PCDHB4: variants seen among roughly 807,000 people sequenced by gnomAD.
PCDHB4 encodes the protein protocadherin beta 4.
For synonymous variants in PCDHB4, 482 were observed against 447.3 expected (o/e 1.08, Z -0.98); for missense variants, 1,063 against 1,007.0 (o/e 1.06, Z -0.75).
rs187012009 is a variant in PCDHB4, at chr5:141,124,393, T to C, written c.*7T>C. The stretch of plus-strand genomic sequence containing the variant: ...TAGCTTGGTATTCAGTTAAGTATTG[T>C]ATTTAGTTCAGTGAACCGCCCGTTA... On this transcript the variant is annotated 3_prime_UTR_variant, in exon 1 of 1. Coordinates refer to ENST00000194152, the MANE Select transcript of PCDHB4 (RefSeq NM_018938.4). The C allele has an allele frequency of 1.5e-5, 23 of 1,567,010 alleles. No individual in the cohort carries two copies. The East Asian group carries it at 5.0e-4, about 34-fold the overall frequency.
rs1554274624 is a variant in PCDHB4 at position 141,123,782 on chromosome 5, C to T, written c.1784C>T (p.Ser595Leu). Reference sequence around the variant, plus strand: ...AAGGTGGTGGCGGTGGACGGCGACTCGGGCCAGAACGCCTGGCTGTCGTAC... The same window carrying T: ...AAGGTGGTGGCGGTGGACGGCGACTTGGGCCAGAACGCCTGGCTGTCGTAC... The part of the protein sequence containing the change: ...VTKVVAVDGD[S>L]GQNAWLSYQL... The change falls in exon 1 of 1, where the codon TCG (serine) becomes TTG (leucine). Residue 595 changes from serine to leucine, a missense_variant. Ser to Leu is a moderately radical substitution (Grantham distance 145, BLOSUM62 -2). Coordinates refer to ENST00000194152, the MANE Select transcript of PCDHB4 (RefSeq NM_018938.4). 2.5e-6 allele frequency: 4 copies of T among 1,609,950 alleles called. No individual in the cohort carries two copies. Among genetic ancestry groups the T allele is most frequent in the African/African-American group, 1.3e-5 (1 of 74,874 alleles).
chr5:141,124,271 CTG>C lies in PCDHB4; in HGVS notation c.2274_2275del (p.Gly759AspfsTer3), dbSNP rs1339376090. The stretch of plus-strand genomic sequence containing the variant: ...TACGAGGTGTGTCTGACAGGAGACT[CTG>C]GGACTGGTGAGTTCAAGTTCCTGAA... On this transcript the variant is annotated frameshift_variant, in exon 1 of 1. Coordinates refer to ENST00000194152, the MANE Select transcript of PCDHB4 (RefSeq NM_018938.4). LOFTEE classifies it low-confidence loss of function (END_TRUNC). 2.5e-6 allele frequency: 4 copies of C among 1,614,072 alleles called. No individual in the cohort carries two copies. The African/African-American group carries it at 4.0e-5, about 16-fold the overall frequency.
At position 141,122,774 on chromosome 5, in the gene PCDHB4, C is replaced by T. The variant is rs1399761193; in HGVS notation, c.776C>T (p.Pro259Leu). The change falls in exon 1 of 1, where the codon CCA becomes CTA. Residue 259 changes from proline to leucine, a missense_variant. Transcript: ENST00000194152. The stretch of plus-strand genomic sequence containing the variant: ...CTGGAAAACAGCCCCCTAGACTCTC[C>T]AATTGTTAGGGTCTTAGCTAGAGAT... Reference protein sequence around the residue: ...QVLENSPLDSPIVRVLARDID... With the variant: ...QVLENSPLDSLIVRVLARDID... The T allele has an allele frequency of 1.9e-6, 3 of 1,613,960 alleles. No individual in the cohort carries two copies. The highest frequency in any genetic ancestry group is 2.5e-6 in the Non-Finnish European group (3 of 1,180,000).
In PCDHB4 at chr5:141,123,566, T is replaced by G; in HGVS notation, c.1568T>G (p.Leu523Arg). Residue 523 changes from leucine to arginine, a missense_variant, in exon 1 of 1, where the codon CTG becomes CGG. Leu to Arg is a moderately radical substitution (Grantham distance 102). Transcript: ENST00000194152. ...CTCAGGTCGCTGGACTACGAGGCCCTGCAGGCGTTCGAGTTCCGCGTGGGC... is the reference window on the plus strand; with the variant it reads ...CTCAGGTCGCTGGACTACGAGGCCCGGCAGGCGTTCGAGTTCCGCGTGGGC... Reference protein sequence around the residue: ...FALRSLDYEALQAFEFRVGAS... With the variant: ...FALRSLDYEARQAFEFRVGAS... 6.2e-7 allele frequency: 1 copy of G among 1,612,900 alleles called. No individual in the cohort carries two copies. The highest frequency in any genetic ancestry group is 8.5e-7 in the Non-Finnish European group (1 of 1,179,858).
In PCDHB4 at chr5:141,122,593, C is replaced by T. The variant is rs782559399; in HGVS notation, c.595C>T (p.Leu199=). 5 of 1,614,218 alleles carry T rather than the reference C, an allele frequency of 3.1e-6. No individual in the cohort carries two copies. The highest frequency in any genetic ancestry group is 3.4e-6 in the Non-Finnish European group (4 of 1,180,038). The change falls in exon 1 of 1, where the codon CTG becomes TTG. Residue 199 remains leucine (L), a synonymous_variant. Transcript: ENST00000194152. ...KYPDLVQDKP[L]DREEQPEFSL... is the part of the protein sequence containing the mutation. ...CCCAGATTTGGTGCAGGACAAACCA[C>T]TGGATCGAGAGGAGCAGCCTGAGTT...
Position 141,123,309 on chromosome 5 carries a change from C to T in PCDHB4, c.1311C>T (p.Thr437=), listed in dbSNP as rs782788058. The stretch of plus-strand genomic sequence containing the variant: ...GGCTGAAAACCCAGCAGAACATAAC[C>T]GTGCAGGTCTCCGACGTCAATGACA... ...TPRLKTQQNI[T]VQVSDVNDNA... The change falls in exon 1 of 1, where the codon ACC becomes ACT. Residue 437 remains threonine, a synonymous_variant. Coordinates refer to ENST00000194152, the MANE Select transcript of PCDHB4 (RefSeq NM_018938.4). 1.2e-6 allele frequency: 2 copies of T among 1,614,154 alleles called. No individual in the cohort carries two copies. Among genetic ancestry groups the T allele is most frequent in the Non-Finnish European group, 1.7e-6 (2 of 1,180,032 alleles).
At position 141,124,396 on chromosome 5, in the gene PCDHB4, T is replaced by G. The variant is rs1483878511; in HGVS notation, c.*10T>G. 1 of 1,564,132 alleles carries G rather than the reference T, an allele frequency of 6.4e-7. No homozygotes were observed. Among genetic ancestry groups the G allele is most frequent in the Non-Finnish European group, 8.7e-7 (1 of 1,153,788 alleles). On this transcript the variant is annotated 3_prime_UTR_variant, in exon 1 of 1. Transcript: ENST00000194152. ...CTTGGTATTCAGTTAAGTATTGTAT[T>G]TAGTTCAGTGAACCGCCCGTTAGTT...
At position 141,122,598 on chromosome 5, in the gene PCDHB4, T is replaced by A; in HGVS notation, c.600T>A (p.Asp200Glu). The part of the protein sequence containing the change: ...YPDLVQDKPL[D>E]REEQPEFSLT... Reference sequence around the variant, plus strand: ...ATTTGGTGCAGGACAAACCACTGGATCGAGAGGAGCAGCCTGAGTTCAGCT... The same window carrying A: ...ATTTGGTGCAGGACAAACCACTGGAACGAGAGGAGCAGCCTGAGTTCAGCT... Residue 200 changes from aspartate to glutamate, a missense_variant, in exon 1 of 1, where the codon GAT becomes GAA. Physicochemically the swap from Asp to Glu is conservative, Grantham distance 45. Coordinates refer to ENST00000194152, the MANE Select transcript of PCDHB4 (RefSeq NM_018938.4). 2 of 1,614,150 alleles carry A rather than the reference T, an allele frequency of 1.2e-6. No homozygotes were observed. The highest frequency in any genetic ancestry group is 1.3e-5 in the African/African-American group (1 of 75,046).
At position 141,123,538 on chromosome 5, in the gene PCDHB4, G is replaced by A. The variant is rs563062953; in HGVS notation, c.1540G>A (p.Ala514Thr). ...CAACGCAGACAACGGCCACCTGTTC[G>A]CCCTCAGGTCGCTGGACTACGAGGC... ...SINADNGHLF[A>T]LRSLDYEALQ... The change falls in exon 1 of 1, where the codon GCC becomes ACC. Residue 514 changes from alanine (A) to threonine (T), a missense_variant. Transcript: ENST00000194152. 6.2e-7 allele frequency: 1 copy of A among 1,613,198 alleles called. No individual in the cohort carries two copies. Among genetic ancestry groups the A allele is most frequent in the South Asian group, 1.1e-5 (1 of 91,046 alleles).
Position 141,122,820 on chromosome 5 carries a change from G to T in PCDHB4, c.822G>T (p.Gly274=). ...GAGATATAGATGCTGGAAACTTCGG[G>T]AGTGTTTCTTATGGCTTATTCCAAG... ...LARDIDAGNF[G]SVSYGLFQAS... is the part of the protein sequence containing the mutation. The change falls in exon 1 of 1, where the codon GGG becomes GGT. Residue 274 remains glycine, a synonymous_variant. Transcript: ENST00000194152. 1.2e-6 allele frequency: 2 copies of T among 1,614,060 alleles called. No homozygotes were observed. Among genetic ancestry groups the T allele is most frequent in the Non-Finnish European group, 1.7e-6 (2 of 1,179,936 alleles).
Position 141,124,287 on chromosome 5 carries a change from C to G in PCDHB4, c.2289C>G (p.Phe763Leu). 2 of 1,614,182 alleles carry G rather than the reference C, an allele frequency of 1.2e-6. No individual in the cohort carries two copies. The highest frequency in any genetic ancestry group is 8.5e-7 in the Non-Finnish European group (1 of 1,180,028). Residue 763 changes from phenylalanine (F) to leucine (L), a missense_variant, in exon 1 of 1, where the codon TTC (phenylalanine) becomes TTG (leucine). Phe to Leu is a conservative substitution (Grantham distance 22). Coordinates refer to ENST00000194152, the MANE Select transcript of PCDHB4 (RefSeq NM_018938.4). The part of the protein sequence containing the change: ...CLTGDSGTGE[F>L]KFLKPIFPNL... ...CAGGAGACTCTGGGACTGGTGAGTT[C>G]AAGTTCCTGAAGCCAATATTTCCTA...
Position 141,122,372 on chromosome 5 carries a change from T to C in PCDHB4, c.374T>C (p.Ile125Thr), listed in dbSNP as rs1195846218. The C allele has an allele frequency of 6.2e-7, 1 of 1,614,060 alleles. No homozygotes were observed. The highest frequency in any genetic ancestry group is 8.5e-7 in the Non-Finnish European group (1 of 1,180,036). ...CAAGGAGAATTATTGATCCAGGACATAAATGATCACTCTCCAATATTCCCT... is the reference window on the plus strand; with the variant it reads ...CAAGGAGAATTATTGATCCAGGACACAAATGATCACTCTCCAATATTCCCT... ...FFQGELLIQD[I>T]NDHSPIFPER... is the part of the protein sequence containing the mutation. Residue 125 changes from isoleucine (I) to threonine (T), a missense_variant, in exon 1 of 1, where the codon ATA becomes ACA. By Grantham distance (89) the Ile-to-Thr change is moderately conservative (BLOSUM62 -1). Transcript: ENST00000194152.
chr5:141,121,945 T>A lies in PCDHB4; in HGVS notation c.-54T>A. 7.9e-7 allele frequency: 1 copy of A among 1,268,984 alleles called. No homozygotes were observed. The highest frequency in any genetic ancestry group is 2.3e-5 in the Admixed American group (1 of 42,722). 78.6% of individuals were successfully genotyped at this position (1,268,984 alleles called of 1,614,324 possible). On this transcript the variant is annotated 5_prime_UTR_variant, in exon 1 of 1. Transcript: ENST00000194152. ...AAGCAAGAAATTGGAATTGAATGTC[T>A]CAAGTCTCGTTGCGGTTGCTGAGGG... is the stretch of plus-strand genomic sequence containing the variant.
At position 141,123,034 on chromosome 5, in the gene PCDHB4, C is replaced by G; in HGVS notation, c.1036C>G (p.Leu346Val). ...VVDVNDNPPE[L>V]IISSLTSSIP... is the part of the protein sequence containing the mutation. ...GGATGTGAATGACAATCCCCCAGAA[C>G]TTATCATATCTTCACTCACCAGCTC... The change falls in exon 1 of 1, where the codon CTT becomes GTT. Residue 346 changes from leucine (L) to valine (V), a missense_variant. Coordinates refer to ENST00000194152, the MANE Select transcript of PCDHB4 (RefSeq NM_018938.4). The G allele has an allele frequency of 6.2e-7, 1 of 1,614,004 alleles. No homozygotes were observed. The highest frequency in any genetic ancestry group is 8.5e-7 in the Non-Finnish European group (1 of 1,179,980).
At position 141,125,241 on chromosome 5, in the gene PCDHB4, C is replaced by T. The variant is rs1752390725; in HGVS notation, c.*855C>T. 6.6e-6 allele frequency: 1 copy of T among 152,096 alleles called. No individual in the cohort carries two copies. The highest frequency in any genetic ancestry group is 1.5e-5 in the Non-Finnish European group (1 of 68,002). The allele number at this position is 152,096 out of a possible 1,614,324, so 9.4% of individuals were successfully genotyped here. ...CCAAAATCAAGACTCTTGAGAGCAT[C>T]ATAGGTCTCCTTGTGCTACCTTTTA... On this transcript the variant is annotated 3_prime_UTR_variant, in exon 1 of 1. Transcript: ENST00000194152.
At position 141,125,121 on chromosome 5, in the gene PCDHB4, T is replaced by A. The variant is rs1752388711; in HGVS notation, c.*735T>A. 1 of 152,132 alleles carries A rather than the reference T, an allele frequency of 6.6e-6. No individual in the cohort carries two copies. Among genetic ancestry groups the A allele is most frequent in the Non-Finnish European group, 1.5e-5 (1 of 68,008 alleles). The allele number at this position is 152,132 out of a possible 1,614,324, so 9.4% of individuals were successfully genotyped here. On this transcript the variant is annotated 3_prime_UTR_variant, in exon 1 of 1. Transcript: ENST00000194152. Reference sequence around the variant, plus strand: ...TTAAAGAGAAAAATCTCATATAATTTGTCATAACCTTTCAATAAATAAAAC... The same window carrying A: ...TTAAAGAGAAAAATCTCATATAATTAGTCATAACCTTTCAATAAATAAAAC...
At position 141,123,003 on chromosome 5, in the gene PCDHB4, G is replaced by A. The variant is rs782557064; in HGVS notation, c.1005G>A (p.Glu335=). The part of the protein sequence containing the change: ...GLSGKGTVVI[E]VVDVNDNPPE... Reference sequence around the variant, plus strand: ...CTGGAAAAGGCACTGTAGTCATAGAGGTGGTGGATGTGAATGACAATCCCC... The same window carrying A: ...CTGGAAAAGGCACTGTAGTCATAGAAGTGGTGGATGTGAATGACAATCCCC... The change falls in exon 1 of 1, where the codon GAG becomes GAA. Residue 335 remains glutamate, a synonymous_variant. Transcript: ENST00000194152. 3.7e-6 allele frequency: 6 copies of A among 1,613,924 alleles called. No individual in the cohort carries two copies. The Admixed American group carries it at 5.0e-5, about 13-fold the overall frequency.
rs1752327434 is a variant in PCDHB4, at chr5:141,123,113, G to A, written c.1115G>A (p.Arg372Lys). The A allele has an allele frequency of 6.2e-7, 1 of 1,613,972 alleles. No homozygotes were observed. The highest frequency in any genetic ancestry group is 8.5e-7 in the Non-Finnish European group (1 of 1,179,992). The change falls in exon 1 of 1, where the codon AGA becomes AAA. Residue 372 changes from arginine to lysine, a missense_variant. Physicochemically the swap from Arg to Lys is conservative, Grantham distance 26 (BLOSUM62 2). Coordinates refer to ENST00000194152, the MANE Select transcript of PCDHB4 (RefSeq NM_018938.4). Reference sequence around the variant, plus strand: ...GTCTCTATCTTCCGAATTCGAGATAGAGATTCCGGAGAAAATGGAAAGATG... The same window carrying A: ...GTCTCTATCTTCCGAATTCGAGATAAAGATTCCGGAGAAAATGGAAAGATG... ...TVVSIFRIRD[R>K]DSGENGKMIC... is the part of the protein sequence containing the mutation.
At position 141,122,617 on chromosome 5, in the gene PCDHB4, T is replaced by C. The variant is rs1554274378; in HGVS notation, c.619T>C (p.Phe207Leu). 1.9e-6 allele frequency: 3 copies of C among 1,614,190 alleles called. 1 individual carries two copies. In the South Asian group the frequency reaches 3.3e-5, roughly 18 times the overall value. ...ACTGGATCGAGAGGAGCAGCCTGAG[T>C]TCAGCTTAACCCTCGTGGCGCTGGA... Reference protein sequence around the residue: ...KPLDREEQPEFSLTLVALDGG... With the variant: ...KPLDREEQPELSLTLVALDGG... The change falls in exon 1 of 1, where the codon TTC (phenylalanine) becomes CTC (leucine). Residue 207 changes from phenylalanine (F) to leucine (L), a missense_variant. By Grantham distance (22) the Phe-to-Leu change is conservative (BLOSUM62 0). Transcript: ENST00000194152.
Sources: gnomAD v4.1 joint callset for allele counts on GRCh38, gnomAD v4.1.1 for gene constraint, MANE v1.5 for transcripts, NCBI Gene and HGNC (gene_info 2026-07-23, HGNC 2026-07-21) for gene names.